HCN1: variants seen among roughly 807,000 people sequenced by gnomAD.
The protein encoded by HCN1 is hyperpolarization activated cyclic nucleotide gated potassium channel 1, also known as potassium/sodium hyperpolarization-activated cyclic nucleotide-gated channel 1.
A neutral mutation model predicts 78.9 loss-of-function variants in HCN1; 13 were observed. The observed-to-expected ratio is 0.16, with a 90% confidence interval of 0.11 to 0.26. The LOEUF is 0.26. Among genes scored for constraint, HCN1 ranks in the 10% least tolerant of loss-of-function variants. The pLI is 1.00. For synonymous variants in HCN1, 552 were observed against 455.5 expected, an observed-to-expected ratio of 1.21 and a Z score of -2.70; for missense variants, 810 against 1,154.3, an observed-to-expected ratio of 0.70 and a Z score of 4.32.
chr5:45,624,623 G>T (rs1025951062), intron 2 of HCN1, among the ~76,000 whole-genome samples: 1 of 152,110 alleles, frequency 6.6e-6, no homozygotes, highest in Non-Finnish European at 1.5e-5. Context: ...AAGAAGAATT[G>T]GAAGACAGAG....
chr5:45,539,471 G>C (rs1743044666), intron 2 of HCN1, among the ~76,000 whole-genome samples: 1 of 150,976 alleles, frequency 6.6e-6, no homozygotes, highest in Non-Finnish European at 1.5e-5. Context: ...GACCATCTTG[G>C]CTAACACGGT....
At chr5:45,442,502 A>G (rs1002330836) in intron 3 of HCN1, among the ~76,000 whole-genome samples, 2 of 151,304 alleles carry the variant, frequency 1.3e-5, no homozygotes, top group Admixed American at 6.6e-5. Context: ...AAAATGATAT[A>G]TAAGTATATA....
intron 2 of HCN1, among the ~76,000 whole-genome samples, chr5:45,515,365 A>T (rs1211843000): frequency 1.3e-5 from 2 of 152,040 alleles, no homozygotes; most frequent in Admixed American, 6.6e-5. Flanking sequence ...AGCATCAATA[A>T]AGTCACTGTT....
chr5:45,406,151 C>T (rs553955677), intron 3 of HCN1, among the ~76,000 whole-genome samples: 4 of 152,202 alleles, frequency 2.6e-5, no homozygotes, highest in African/African-American at 7.2e-5. Context: ...ATTTATAAAA[C>T]AGGCCCCAAA....
At chr5:45,568,661 CA>C (rs201336464) in intron 2 of HCN1, among the ~76,000 whole-genome samples, 19 of 149,158 alleles carry the variant, frequency 1.3e-4, no homozygotes, top group African/African-American at 2.0e-4. Flanking sequence ...AATTGGTAAG[CA>C]AAAAAAAATT....
chr5:45,334,159 G>T (rs1309657767), intron 5 of HCN1, among the ~76,000 whole-genome samples: 3 of 151,678 alleles, frequency 2.0e-5, no homozygotes, highest in Non-Finnish European at 4.4e-5. Context: ...AGTTGTATTT[G>T]CACATATATA....
At chr5:45,544,219 T>A (rs1403180315) in intron 2 of HCN1, among the ~76,000 whole-genome samples, 1 of 152,088 alleles carries the variant, frequency 6.6e-6, no homozygotes, top group African/African-American at 2.4e-5. Flanking sequence ...ATAATGTATG[T>A]ACAGATTATT....
intron 6 of HCN1, among the ~76,000 whole-genome samples, chr5:45,277,865 G>T (rs1437541064): frequency 1.3e-5 from 2 of 152,092 alleles, no homozygotes; most frequent in Non-Finnish European, 2.9e-5. Flanking sequence ...TTAAAGTAAA[G>T]AATGAATAGC....
At chr5:45,644,172 T>C (rs1484341482) in intron 2 of HCN1, 4 of 152,120 alleles carry the variant, frequency 2.6e-5, no homozygotes, top group Non-Finnish European at 5.9e-5. Context: ...ACATAATTTA[T>C]CTTGAAAATG....
Position 45,446,718 on chromosome 5 carries a change from G to A in HCN1, c.1011+15128C>T, listed in dbSNP as rs917390361. 5.3e-5 allele frequency among the ~76,000 whole-genome samples: 8 copies of A among 152,208 alleles called. 1 individual carries two copies. Among genetic ancestry groups the A allele is most frequent in the African/African-American group, 1.9e-4 (8 of 41,448 alleles). ...CAGAAACTCTACAAGTCAGAAGAGA[G>A]TGGGGGCCAATATTCAACATTCTTA... On this transcript the variant is annotated intron_variant, in intron 3 of 7. Transcript: ENST00000303230.
At chr5:45,638,718 C>A (rs1201525567) in intron 2 of HCN1, among the ~76,000 whole-genome samples, 1 of 152,146 alleles carries the variant, frequency 6.6e-6, no homozygotes, top group Non-Finnish European at 1.5e-5. Context: ...GCCTGGCCAA[C>A]ATGGTGAAAC....
In HCN1 at chr5:45,259,797, T is replaced by G. The variant is rs1744692853; in HGVS notation, c.*2124A>C. On this transcript the variant is annotated 3_prime_UTR_variant, in exon 8 of 8. Coordinates refer to ENST00000303230, the MANE Select transcript of HCN1 (RefSeq NM_021072.4). ...AATCCTATCAAATGTAAACCTTTAATAATTTAAAGGACCAATACGTAATCT... is the reference window on the plus strand; with the variant it reads ...AATCCTATCAAATGTAAACCTTTAAGAATTTAAAGGACCAATACGTAATCT... 6.6e-6 allele frequency: 1 copy of G among 152,540 alleles called. No homozygotes were observed. The highest frequency in any genetic ancestry group is 1.5e-5 in the Non-Finnish European group (1 of 67,988). 9.4% of individuals were successfully genotyped at this position (152,540 alleles called of 1,614,324 possible).
intron 2 of HCN1, among the ~76,000 whole-genome samples, chr5:45,602,418 C>CT (rs1381510839): frequency 6.6e-6 from 1 of 152,070 alleles, no homozygotes; most frequent in Non-Finnish European, 1.5e-5. Context: ...AGAAGGCTTC[C>CT]ATAAGCCAAG....
chr5:45,649,652 T>A (rs2112038402), intron 1 of HCN1, among the ~76,000 whole-genome samples: 1 of 152,230 alleles, frequency 6.6e-6, no homozygotes, highest in East Asian at 1.9e-4. Context: ...CTGTTACTAT[T>A]TGTATGTGTT....
intron 1 of HCN1, among the ~76,000 whole-genome samples, chr5:45,673,449 A>G (rs1303031241): frequency 6.6e-6 from 1 of 151,498 alleles, no homozygotes; most frequent in Non-Finnish European, 1.5e-5. Flanking sequence ...CCCCCACACC[A>G]TTTATTTATT....
intron 2 of HCN1, among the ~76,000 whole-genome samples, chr5:45,484,431 C>G (rs1308278832): frequency 3.3e-5 from 5 of 151,424 alleles, no homozygotes; most frequent in Non-Finnish European, 4.4e-5. Context: ...AAGACGCCAT[C>G]TTAAAAAAAA....
At chr5:45,410,869 C>T (rs1225066651) in intron 3 of HCN1, among the ~76,000 whole-genome samples, 19 of 151,908 alleles carry the variant, frequency 1.3e-4, no homozygotes. Flanking sequence ...TGTCAGTTAC[C>T]CATCTGAGAG....
At chr5:45,381,453 A>T (rs1004640369) in intron 4 of HCN1, among the ~76,000 whole-genome samples, 1 of 152,134 alleles carries the variant, frequency 6.6e-6, no homozygotes, top group Non-Finnish European at 1.5e-5. Flanking sequence ...GAAACAAATA[A>T]AGTAAAAAAG....
intron 6 of HCN1, among the ~76,000 whole-genome samples, chr5:45,267,746 G>A (rs1744889894): frequency 2.0e-5 from 3 of 152,176 alleles, no homozygotes; most frequent in South Asian, 2.1e-4. Context: ...CCAGCCTGGC[G>A]ACAGAGTGAG....
Sources: allele counts gnomAD v4.1 joint callset (sites outside exome capture counted in the v4.1 genomes callset), GRCh38; gene constraint gnomAD v4.1.1; transcripts MANE v1.5; gene names NCBI Gene and HGNC (gene_info 2026-07-23, HGNC 2026-07-21).